CPT1A: variants seen among roughly 807,000 people sequenced by gnomAD.
CPT1A encodes carnitine palmitoyltransferase 1A.
A neutral mutation model predicts 100.8 loss-of-function variants in CPT1A; 64 were observed. The observed-to-expected ratio is 0.63, with a 90% CI of 0.52 to 0.78. The LOEUF (loss-of-function observed/expected upper bound fraction) is 0.78. CPT1A is among the 30% of genes least tolerant of loss of function. The pLI, the probability that CPT1A is intolerant of heterozygous loss-of-function variation, is 0.00. For synonymous variants in CPT1A, 363 were observed against 396.0 expected, an observed-to-expected ratio of 0.92 and a Z score of 0.99; for missense variants, 802 against 1,034.1, an observed-to-expected ratio of 0.78 and a Z score of 3.08.
intron 14 of CPT1A, among the ~76,000 whole-genome samples, 168 bp downstream of exon 14, chr11:68,773,097 G>A (rs200714554): frequency 4.9e-4 from 75 of 152,308 alleles, no homozygotes; most frequent in African/African-American, 1.7e-3. Context: ...GCCCGCGTGC[G>A]TGGTGAAACA....
chr11:68,826,032 C>A (rs921859173), intron 1 of CPT1A, among the ~76,000 whole-genome samples: 5 of 152,166 alleles, frequency 3.3e-5, no homozygotes, highest in African/African-American at 1.2e-4. Flanking sequence ...AGAATGGTAA[C>A]CAGATAAAGC....
chr11:68,812,945 G>A (rs950653293), intron 2 of CPT1A, among the ~76,000 whole-genome samples: 6 of 151,752 alleles, frequency 4.0e-5, no homozygotes, highest in African/African-American at 1.2e-4. Context: ...CCGAGACCCC[G>A]GTTCCAAAAC....
rs756076732 is a variant in CPT1A at position 68,773,416 on chromosome 11, A to G, written c.1589T>C (p.Ile530Thr). 41 of 1,613,906 alleles carry G rather than the reference A, an allele frequency of 2.5e-5. No homozygotes were observed. The highest frequency in any genetic ancestry group is 3.1e-5 in the Non-Finnish European group (36 of 1,179,866). Reference sequence around the variant, plus strand: ...ATTTGCGGTGTTCAGGGAGGTCTCTATAACCTCTTGACACTTGAGAGAAAG... The same window carrying G: ...ATTTGCGGTGTTCAGGGAGGTCTCTGTAACCTCTTGACACTTGAGAGAAAG... The part of the protein sequence containing the change: ...WDIPGECQEV[I>T]ETSLNTANLL... The change falls in exon 14 of 19, where the codon ATA becomes ACA. Residue 530 changes from isoleucine (I) to threonine (T), a missense_variant. Physicochemically the swap from Ile to Thr is moderately conservative, Grantham distance 89 (BLOSUM62 -1). Around this residue, in one of 4 missense-constraint regions of CPT1A, gnomAD observed 627 missense variants for 799.3 expected, o/e 0.78. Coordinates refer to ENST00000265641, the MANE Select transcript of CPT1A (RefSeq NM_001876.4).
At chr11:68,786,348 A>G (rs1009277956) in intron 9 of CPT1A, among the ~76,000 whole-genome samples, 1 of 152,164 alleles carries the variant, frequency 6.6e-6, no homozygotes, top group Admixed American at 6.6e-5. Flanking sequence ...GTGACAGAGC[A>G]AGATCCTATC....
intron 13 of CPT1A, 37 bp from the exon 14 acceptor site, chr11:68,773,466 G>A (rs1313600652): frequency 6.2e-7 from 1 of 1,613,738 alleles, no homozygotes; most frequent in Non-Finnish European, 8.5e-7. Context: ...ACGGAACGAG[G>A]GGAGAAAAGT....
intron 6 of CPT1A, 69 bp downstream of exon 6, chr11:68,799,149 C>A: frequency 1.4e-6 from 2 of 1,426,658 alleles, no homozygotes; most frequent in South Asian, 1.2e-5. Flanking sequence ...CCCTGTTATC[C>A]CTGCCCCTCA....
chr11:68,829,983 G>A (rs1402259786), intron 1 of CPT1A, among the ~76,000 whole-genome samples: 1 of 152,170 alleles, frequency 6.6e-6, no homozygotes, highest in East Asian at 1.9e-4. Context: ...AGCCCTGAAA[G>A]GCTGAGTGGG....
chr11:68,779,185 G>A (rs780221600), intron 12 of CPT1A, among the ~76,000 whole-genome samples: 30 of 152,108 alleles, frequency 2.0e-4, no homozygotes, highest in Non-Finnish European at 3.7e-4. Flanking sequence ...CACACACGCC[G>A]TGACTTTCAG....
chr11:68,791,534 G>T (rs1276266318), intron 9 of CPT1A, among the ~76,000 whole-genome samples: 1 of 152,146 alleles, frequency 6.6e-6, no homozygotes, highest in Non-Finnish European at 1.5e-5. Flanking sequence ...CACATGGAGT[G>T]GGTTCTTTTT....
intron 9 of CPT1A, among the ~76,000 whole-genome samples, chr11:68,786,990 C>T (rs1180259234): frequency 6.6e-6 from 1 of 152,130 alleles, no homozygotes; most frequent in Non-Finnish European, 1.5e-5. Flanking sequence ...ATGTATATTC[C>T]ACATTACACT....
At chr11:68,769,640 C>G (rs777491935) in intron 14 of CPT1A, among the ~76,000 whole-genome samples, 4 of 152,086 alleles carry the variant, frequency 2.6e-5, no homozygotes, top group Non-Finnish European at 4.4e-5. Context: ...GATTGCTTTT[C>G]TTTTCAAAAA....
chr11:68,840,875 A>AC (rs1262513503), intron 1 of CPT1A, among the ~76,000 whole-genome samples: 2 of 151,596 alleles, frequency 1.3e-5, no homozygotes, highest in Non-Finnish European at 3.0e-5. Flanking sequence ...GCCACGTGAC[A>AC]CCCCCACCCT....
At chr11:68,768,500 C>G (rs1854890907) in intron 14 of CPT1A, among the ~76,000 whole-genome samples, 1 of 152,024 alleles carries the variant, frequency 6.6e-6, no homozygotes, top group African/African-American at 2.4e-5. Flanking sequence ...CCTCCACCTC[C>G]CACGTTCAAG....
chr11:68,833,189 C>T (rs923524164), intron 1 of CPT1A, among the ~76,000 whole-genome samples: 1 of 152,156 alleles, frequency 6.6e-6, no homozygotes, highest in Admixed American at 6.6e-5. Context: ...AGGGAAGTAC[C>T]AGGAAGGCTC....
At chr11:68,837,281 C>CT (rs1189575005) in intron 1 of CPT1A, among the ~76,000 whole-genome samples, 1 of 152,182 alleles carries the variant, frequency 6.6e-6, no homozygotes, top group Non-Finnish European at 1.5e-5. Context: ...ATCTCCTGAC[C>CT]TCATGTTCCG....
intron 14 of CPT1A, 136 bp downstream of exon 14, chr11:68,773,129 G>A (rs534397313): frequency 6.7e-7 from 1 of 1,488,526 alleles, no homozygotes; most frequent in African/African-American, 1.4e-5. Context: ...CCGGCCCCCG[G>A]AGACCGGGGT....
At chr11:68,783,091 A>G (rs1855359394) in intron 10 of CPT1A, among the ~76,000 whole-genome samples, 1 of 151,954 alleles carries the variant, frequency 6.6e-6, no homozygotes, top group Non-Finnish European at 1.5e-5. Flanking sequence ...CCTTGTCAAC[A>G]CCACAGCAGA....
chr11:68,767,740 A>C (rs561141817), intron 14 of CPT1A, among the ~76,000 whole-genome samples: 67 of 152,342 alleles, frequency 4.4e-4, no homozygotes, highest in African/African-American at 1.6e-3. Flanking sequence ...TCGTGCAAGA[A>C]GCTGCCTTTT....
chr11:68,830,001 G>A (rs1411828851), intron 1 of CPT1A, among the ~76,000 whole-genome samples: 1 of 152,220 alleles, frequency 6.6e-6, no homozygotes, highest in Non-Finnish European at 1.5e-5. Context: ...GGGAGGCCAG[G>A]TGCAGTGGCT....
Sources: allele counts gnomAD v4.1 joint callset (sites outside exome capture counted in the v4.1 genomes callset), GRCh38; gene constraint gnomAD v4.1.1; regional missense constraint gnomAD v4.1.1; transcripts MANE v1.5; gene names NCBI Gene and HGNC (gene_info 2026-07-23, HGNC 2026-07-21).